MARCHF5: variants seen among roughly 807,000 people sequenced by gnomAD.
The protein encoded by MARCHF5 is E3 ubiquitin-protein ligase MARCHF5.
In MARCHF5, 5 loss-of-function variants were observed where a neutral mutation model predicts 36.5. The observed-to-expected ratio is 0.14, with a 90% confidence interval of 0.07 to 0.29. The LOEUF (loss-of-function observed/expected upper bound fraction) is 0.29, where lower values mean the gene tolerates loss of function less well. Ranked by LOEUF, MARCHF5 falls within the 10% of genes least tolerant of loss-of-function variation. The pLI is 1.00. For synonymous variants in MARCHF5, 103 were observed against 109.9 expected (o/e 0.94, Z 0.39); for missense variants, 179 against 336.3 (o/e 0.53, Z 3.66).
At chr10:92,323,243 G>T (rs1843312928) in intron 2 of MARCHF5, among the ~76,000 whole-genome samples, 1 of 152,034 alleles carries the variant, frequency 6.6e-6, no homozygotes. Context: ...ATAGATTTTA[G>T]AGCCTTTTTA....
chr10:92,319,664 T>C (rs1319121561), intron 2 of MARCHF5, among the ~76,000 whole-genome samples: 4 of 151,066 alleles, frequency 2.6e-5, no homozygotes, highest in Non-Finnish European at 5.9e-5. Context: ...GTTTTTTGTT[T>C]TTTTTTCTGA....
chr10:92,317,371 T>G (rs1397629873), intron 2 of MARCHF5, among the ~76,000 whole-genome samples: 1 of 152,188 alleles, frequency 6.6e-6, no homozygotes, highest in East Asian at 1.9e-4. Flanking sequence ...AATCCTGGGA[T>G]TGCAGGTGTG....
chr10:92,317,250 C>G (rs1178056009), intron 2 of MARCHF5, among the ~76,000 whole-genome samples: 6 of 152,040 alleles, frequency 3.9e-5, no homozygotes, highest in Non-Finnish European at 1.5e-5. Flanking sequence ...AGACATGCGC[C>G]AGCACGCCTG....
chr10:92,295,002 A>T (rs1024100757), intron 1 of MARCHF5, among the ~76,000 whole-genome samples: 2 of 152,206 alleles, frequency 1.3e-5, no homozygotes, highest in African/African-American at 4.8e-5. Flanking sequence ...CCTGGGTACT[A>T]CAGCCCAGGT....
chr10:92,350,103 G>T, intron 5 of MARCHF5: 2 of 367,020 alleles, frequency 5.4e-6, no homozygotes, highest in Non-Finnish European at 4.9e-6. Flanking sequence ...CTTGCCAGTG[G>T]GATTACAGTA....
rs1234961486 is a variant in MARCHF5, at chr10:92,295,399, A to AT, written c.35+3873dup. On this transcript the variant is annotated intron_variant, in intron 1 of 5. Coordinates refer to ENST00000358935, the MANE Select transcript of MARCHF5 (RefSeq NM_017824.5). ...TGGTGACAACTTCTTTTATTTATTT[A>AT]TTTATTTATTTTTTATTTTTTTTTT... Among the ~76,000 whole-genome samples the AT allele has an allele frequency of 2.0e-3, 131 of 64,982 alleles. 1 individual carries two copies. Among genetic ancestry groups the AT allele is most frequent in the African/African-American group, 5.2e-3 (101 of 19,358 alleles). The allele number at this position is 64,982 out of a possible 152,430, so 42.6% of individuals were successfully genotyped here. A position where few individuals can be genotyped will look rare whatever the true frequency, so the allele number is the denominator to read the frequency against.
At chr10:92,343,343 C>A (rs1843602901) in intron 3 of MARCHF5, among the ~76,000 whole-genome samples, 1 of 152,238 alleles carries the variant, frequency 6.6e-6, no homozygotes, top group Non-Finnish European at 1.5e-5. Context: ...TCTTCCCCCA[C>A]ATTCATGACA....
At chr10:92,345,509 G>A (rs1048224163) in intron 3 of MARCHF5, among the ~76,000 whole-genome samples, 58 of 152,054 alleles carry the variant, frequency 3.8e-4, no homozygotes, top group African/African-American at 1.3e-3. Flanking sequence ...ATTAATTAAT[G>A]TAGAATTCTA....
intron 3 of MARCHF5, among the ~76,000 whole-genome samples, chr10:92,341,047 A>T (rs912459183): frequency 6.6e-6 from 1 of 152,142 alleles, no homozygotes; most frequent in African/African-American, 2.4e-5. Context: ...ATAACGTTCT[A>T]TCTATAGAAT....
At chr10:92,319,184 G>T in intron 2 of MARCHF5, among the ~76,000 whole-genome samples, 1 of 152,048 alleles carries the variant, frequency 6.6e-6, no homozygotes, top group Non-Finnish European at 1.5e-5. Flanking sequence ...GGTGATGAAG[G>T]TATAAACAAA....
intron 1 of MARCHF5, among the ~76,000 whole-genome samples, chr10:92,293,371 TG>T (rs1842913687): frequency 6.6e-6 from 1 of 152,164 alleles, no homozygotes; most frequent in African/African-American, 2.4e-5. Context: ...CCCAAAGTGC[TG>T]GATTGTCAGG....
At chr10:92,339,043 TC>T (rs1843539630) in intron 2 of MARCHF5, among the ~76,000 whole-genome samples, 1 of 28,704 alleles carries the variant, frequency 3.5e-5, no homozygotes, top group African/African-American at 1.2e-4. Flanking sequence ...AAACTCTGTC[TC>T]AAAAAAAAAA....
chr10:92,299,311 C>A (rs1044964444), intron 1 of MARCHF5, among the ~76,000 whole-genome samples: 3 of 150,186 alleles, frequency 2.0e-5, no homozygotes, highest in Admixed American at 6.7e-5. Context: ...CTCTGTGTCA[C>A]GTAAAAGGAT....
At chr10:92,304,716 T>C (rs976109093) in intron 1 of MARCHF5, among the ~76,000 whole-genome samples, 8 of 152,352 alleles carry the variant, frequency 5.3e-5, no homozygotes, top group African/African-American at 1.9e-4. Flanking sequence ...GCACTCATTA[T>C]TGAAGAAAAG....
intron 3 of MARCHF5, among the ~76,000 whole-genome samples, chr10:92,344,189 C>T (rs1030254378): frequency 3.3e-5 from 5 of 152,118 alleles, no homozygotes; most frequent in African/African-American, 1.2e-4. Flanking sequence ...CTCTGATCCC[C>T]AGCATCAAGG....
In MARCHF5 at chr10:92,311,234, C is replaced by T; in HGVS notation, c.135C>T (p.Ala45=). The T allele has an allele frequency of 6.2e-7, 1 of 1,614,094 alleles. No homozygotes were observed. ...CRGSTKWVHQ[A]CLQRWVDEKQ... ...GATCTACAAAATGGGTTCACCAGGC[C>T]TGTCTACAACGCTGGGTGGATGAAA... Residue 45 remains alanine, a synonymous_variant, in exon 2 of 6, where the codon GCC becomes GCT. Coordinates refer to ENST00000358935, the MANE Select transcript of MARCHF5 (RefSeq NM_017824.5).
At chr10:92,331,900 CAT>C (rs1305365323) in intron 2 of MARCHF5, among the ~76,000 whole-genome samples, 4 of 144,034 alleles carry the variant, frequency 2.8e-5, no homozygotes, top group Non-Finnish European at 4.5e-5. Flanking sequence ...TATATATAAT[CAT>C]ATATATGTAT....
Position 92,309,742 on chromosome 10 carries a change from C to T in MARCHF5, c.36-1393C>T, listed in dbSNP as rs186989605. On this transcript the variant is annotated intron_variant, in intron 1 of 5. Coordinates refer to ENST00000358935, the MANE Select transcript of MARCHF5 (RefSeq NM_017824.5). ...ATGGGTAGTCTTGGTGGTTGCACAA[C>T]AGTATGAATATACTTACTGCCACTG... is the stretch of plus-strand genomic sequence containing the variant. 8.4e-3 allele frequency among the ~76,000 whole-genome samples: 1,280 copies of T among 151,568 alleles called. 14 individuals are homozygous for T. Among genetic ancestry groups the T allele is most frequent in the Non-Finnish European group, 0.011 (750 of 67,860 alleles).
At position 92,349,537 on chromosome 10, in the gene MARCHF5, G is replaced by A; in HGVS notation, c.553+5G>A. 1 of 1,611,264 alleles carries A rather than the reference G, an allele frequency of 6.2e-7. No individual in the cohort carries two copies. Among genetic ancestry groups the A allele is most frequent in the Non-Finnish European group, 8.5e-7 (1 of 1,178,714 alleles). ...TTTTAAATAGTATATTTCCAGGTAA[G>A]GCACTGAACTGTGGTTGTAAAGTGC... On this transcript the variant is annotated splice_donor_5th_base_variant and intron_variant, in intron 4 of 5. Coordinates refer to ENST00000358935, the MANE Select transcript of MARCHF5 (RefSeq NM_017824.5).
Sources: gnomAD v4.1 joint callset for allele counts (sites outside exome capture counted in the v4.1 genomes callset) on GRCh38, gnomAD v4.1.1 for gene constraint, MANE v1.5 for transcripts, NCBI Gene and HGNC (gene_info 2026-07-23, HGNC 2026-07-21) for gene names.